Variants in RP1 observed in about 807,000 individuals in gnomAD.
RP1 encodes oxygen-regulated protein 1.
A neutral mutation model predicts 14.8 loss-of-function variants in RP1; 16 were observed. The observed-to-expected ratio is 1.08, with a 90% CI of 0.73 to 1.65. The LOEUF is 1.65. Among genes scored for constraint, RP1 ranks in the 40% most tolerant of loss-of-function variants. The probability of loss-of-function intolerance (pLI) is 0.00; values close to 1 mark genes in which losing one functional copy is unlikely to be tolerated. For missense variants in RP1, 2,631 were observed against 2,535.0 expected, an observed-to-expected ratio of 1.04 and a Z score of -0.81; for synonymous variants, 876 against 883.6, an observed-to-expected ratio of 0.99 and a Z score of 0.15.
At chr8:54,798,767 G>A (rs1810633203) in intron 24 of RP1, among the ~76,000 whole-genome samples, 1 of 152,008 alleles carries the variant, frequency 6.6e-6, no homozygotes, top group East Asian at 1.9e-4. Context: ...GCCACTTAAG[G>A]AAGAAAAAGT....
intron 23 of RP1, chr8:54,781,162 T>G (rs561381387): frequency 2.3e-6 from 1 of 432,900 alleles, no homozygotes; most frequent in East Asian, 1.6e-4. Context: ...AATTTAAGCT[T>G]GGAAAAGAGA....
intron 24 of RP1, among the ~76,000 whole-genome samples, chr8:54,817,152 T>C (rs778822657): frequency 6.6e-5 from 10 of 152,284 alleles, no homozygotes; most frequent in Non-Finnish European, 1.0e-4. Flanking sequence ...TCTCTGAAAG[T>C]AGGCTCCATA....
chr8:54,624,443 CAAAAAAA>C (rs11332494), intron 3 of RP1, among the ~76,000 whole-genome samples: 15 of 56,594 alleles, frequency 2.7e-4, no homozygotes, highest in African/African-American at 1.2e-3. Flanking sequence ...GACTCTGTCT[CAAAAAAA>C]AAAAAAAAAA....
Position 54,629,377 on chromosome 8 carries a change from A to G in RP1, c.5495A>G (p.Glu1832Gly), listed in dbSNP as rs765007881. The change falls in exon 4 of 4, where the codon GAG (glutamate) becomes GGG (glycine). Residue 1832 changes from glutamate (E) to glycine (G), a missense_variant. Glu to Gly is a moderately conservative substitution (Grantham distance 98). Coordinates refer to ENST00000220676, the MANE Select transcript of RP1 (RefSeq NM_006269.2). ...GGTAGTGACTCAGAACCTTTTCATG[A>G]GGACTTGCTGGATGTTCGCAATGAA... ...PHGSDSEPFH[E>G]DLLDVRNETC... The G allele has an allele frequency of 6.2e-7, 1 of 1,614,164 alleles. No individual in the cohort carries two copies. Among genetic ancestry groups the G allele is most frequent in the South Asian group, 1.1e-5 (1 of 91,078 alleles).
intron 24 of RP1, among the ~76,000 whole-genome samples, chr8:54,811,841 G>T (rs898900401): frequency 1.3e-5 from 2 of 152,226 alleles, no homozygotes; most frequent in Non-Finnish European, 2.9e-5. Flanking sequence ...ATTTCAAGCT[G>T]AAAGCTCACT....
At chr8:54,747,201 A>C (rs1585657104) in intron 19 of RP1, among the ~76,000 whole-genome samples, 2 of 152,118 alleles carry the variant, frequency 1.3e-5, no homozygotes, top group Non-Finnish European at 2.9e-5. Flanking sequence ...CAGATTTCAA[A>C]GAGAAGCCAG....
chr8:54,831,055 A>G (rs1811510529), intron 24 of RP1, among the ~76,000 whole-genome samples: 1 of 152,116 alleles, frequency 6.6e-6, no homozygotes, highest in South Asian at 2.1e-4. Flanking sequence ...TTTATGGCTG[A>G]ATAATATTCC....
chr8:54,730,077 C>T (rs376915855), intron 17 of RP1, among the ~76,000 whole-genome samples: 8 of 151,950 alleles, frequency 5.3e-5, no homozygotes, highest in East Asian at 1.9e-4. Flanking sequence ...TCTGACACAT[C>T]ATAAGCAACA....
At chr8:54,841,497 G>T (rs903080246) in intron 25 of RP1, among the ~76,000 whole-genome samples, 1 of 152,118 alleles carries the variant, frequency 6.6e-6, no homozygotes, top group Admixed American at 6.5e-5. Flanking sequence ...ATTTTCAAAG[G>T]ATTGCTGGAA....
chr8:54,824,143 T>A (rs570059200), intron 24 of RP1, among the ~76,000 whole-genome samples: 2 of 149,474 alleles, frequency 1.3e-5, no homozygotes, highest in South Asian at 4.3e-4. Context: ...GTTTTTTTTT[T>A]AATATTGAGC....
intron 23 of RP1, among the ~76,000 whole-genome samples, chr8:54,777,034 C>T (rs1373576068): frequency 1.3e-5 from 2 of 152,228 alleles, no homozygotes; most frequent in Non-Finnish European, 2.9e-5. Flanking sequence ...GCACCACTTA[C>T]TCACTGCATG....
chr8:54,616,815 C>G (rs777066979), intron 1 of RP1, among the ~76,000 whole-genome samples: 2 of 152,174 alleles, frequency 1.3e-5, no homozygotes, highest in Non-Finnish European at 2.9e-5. Context: ...GCATGTAACT[C>G]TGTCATGTTT....
intron 1 of RP1, among the ~76,000 whole-genome samples, chr8:54,602,268 T>C (rs1489185990): frequency 1.4e-4 from 21 of 152,122 alleles, no homozygotes; most frequent in Non-Finnish European, 1.8e-4. Flanking sequence ...TTACCACCTA[T>C]GAGTGAGAAC....
Position 54,724,727 on chromosome 8 carries a change from T to C in RP1, c.2390-1618T>C, listed in dbSNP as rs534174035. 1.4e-4 allele frequency among the ~76,000 whole-genome samples: 21 copies of C among 152,324 alleles called. No individual in the cohort carries two copies. The South Asian group carries it at 4.3e-3, about 32-fold the overall frequency. ...CCTAAAGACAAAATGGGAAGCCTTC[T>C]CTACAGAGCGATAGGAACTTGCTGG... is the stretch of plus-strand genomic sequence containing the variant. On this transcript the variant is annotated intron_variant, in intron 16 of 22. Coordinates refer to the RP1 transcript ENST00000636932.
chr8:54,765,755 C>G (rs557318849), intron 22 of RP1, among the ~76,000 whole-genome samples: 1 of 152,302 alleles, frequency 6.6e-6, no homozygotes, highest in Non-Finnish European at 1.5e-5. Flanking sequence ...TGCCATGAAG[C>G]TTTCTCTGCT....
chr8:54,833,735 A>G (rs1811591146), intron 24 of RP1, among the ~76,000 whole-genome samples: 1 of 152,060 alleles, frequency 6.6e-6, no homozygotes, highest in South Asian at 2.1e-4. Context: ...TTAAATAGCA[A>G]CTAATTGGAT....
At chr8:54,588,943 T>C (rs1336971476) in intron 1 of RP1, among the ~76,000 whole-genome samples, 3 of 152,154 alleles carry the variant, frequency 2.0e-5, no homozygotes, top group African/African-American at 7.2e-5. Flanking sequence ...TCACAGACAA[T>C]ACACAAGCTC....
At chr8:54,762,292 C>A (rs577066662) in intron 22 of RP1, among the ~76,000 whole-genome samples, 1 of 152,208 alleles carries the variant, frequency 6.6e-6, no homozygotes, top group African/African-American at 2.4e-5. Context: ...AGTGCTTGTC[C>A]CTTTTTGTGG....
intron 19 of RP1, among the ~76,000 whole-genome samples, chr8:54,739,427 G>A (rs1380433671): frequency 1.3e-5 from 2 of 152,076 alleles, no homozygotes; most frequent in Non-Finnish European, 2.9e-5. Context: ...CATCCGTATT[G>A]TAAATAATGT....
Sources: gnomAD v4.1 joint callset for allele counts (sites outside exome capture counted in the v4.1 genomes callset) on GRCh38, gnomAD v4.1.1 for gene constraint, MANE v1.5 for transcripts, NCBI Gene and HGNC (gene_info 2026-07-23, HGNC 2026-07-21) for gene names.